Variants in CSMD1 observed in about 807,000 individuals in gnomAD.
CSMD1 encodes CUB and sushi domain-containing protein 1.
CSMD1 carries 213 observed loss-of-function variants against 417.5 expected under a neutral mutation model. The observed-to-expected ratio is 0.51, with a 90% CI of 0.46 to 0.57. The LOEUF (loss-of-function observed/expected upper bound fraction) is 0.57. Ranked by LOEUF, CSMD1 falls within the 20% of genes least tolerant of loss-of-function variation. The pLI is 0.00. For missense variants in CSMD1, 6,923 were observed against 4,529.7 expected, an observed-to-expected ratio of 1.53 and a Z score of -15.17; for synonymous variants, 2,862 against 1,736.8, an observed-to-expected ratio of 1.65 and a Z score of -16.11.
chr8:4,031,834 T>C, intron 4 of CSMD1, 71 bp downstream of exon 4: 1 of 1,213,388 alleles, frequency 8.2e-7, no homozygotes, highest in Non-Finnish European at 1.1e-6. Context: ...AGTGGAAACT[T>C]TCATAAAAGC....
chr8:4,571,521 T>A (rs1798894144), intron 2 of CSMD1, among the ~76,000 whole-genome samples: 2 of 152,212 alleles, frequency 1.3e-5, no homozygotes, highest in Admixed American at 1.3e-4. Flanking sequence ...TTGTTATGAT[T>A]TATGTTCCTT....
intron 1 of CSMD1, among the ~76,000 whole-genome samples, chr8:4,871,124 G>T (rs1376646311): frequency 6.6e-6 from 1 of 152,104 alleles, no homozygotes; most frequent in Non-Finnish European, 1.5e-5. Context: ...CTGGGAGATA[G>T]GTGCAGCCGT....
chr8:3,905,196 A>G (rs1482009944), intron 5 of CSMD1, among the ~76,000 whole-genome samples: 1 of 152,228 alleles, frequency 6.6e-6, no homozygotes, highest in Admixed American at 6.5e-5. Flanking sequence ...ATGTTCATAT[A>G]AAAGATAATA....
chr8:3,135,174 C>T (rs1818006816), intron 41 of CSMD1, among the ~76,000 whole-genome samples: 1 of 152,140 alleles, frequency 6.6e-6, no homozygotes, highest in Admixed American at 6.5e-5. Flanking sequence ...CCTTGGCTTC[C>T]CAAAGTGCTG....
At chr8:3,074,763 T>C (rs571582795) in intron 49 of CSMD1, among the ~76,000 whole-genome samples, 6 of 152,384 alleles carry the variant, frequency 3.9e-5, no homozygotes, top group African/African-American at 1.4e-4. Flanking sequence ...GGCATTTTAT[T>C]ATAATTTTTG....
chr8:4,390,810 G>T (rs1286801403), intron 3 of CSMD1, among the ~76,000 whole-genome samples: 1 of 151,992 alleles, frequency 6.6e-6, no homozygotes, highest in Non-Finnish European at 1.5e-5. Flanking sequence ...CAAAGTGCTG[G>T]GATTACAGAC....
At chr8:3,300,929 A>G (rs911741947) in intron 25 of CSMD1, among the ~76,000 whole-genome samples, 3 of 132,958 alleles carry the variant, frequency 2.3e-5, no homozygotes, top group African/African-American at 8.3e-5. Context: ...ACCGCACTCC[A>G]GCCTGGACAA....
At chr8:3,221,691 C>G (rs1424976430) in intron 28 of CSMD1, among the ~76,000 whole-genome samples, 1 of 151,942 alleles carries the variant, frequency 6.6e-6, no homozygotes, top group Non-Finnish European at 1.5e-5. Context: ...GCCAGCTGCA[C>G]GTATCTCTAA....
intron 1 of CSMD1, among the ~76,000 whole-genome samples, chr8:4,784,912 T>C (rs181016290): frequency 6.6e-6 from 1 of 152,282 alleles, no homozygotes; most frequent in East Asian, 1.9e-4. Context: ...CTGACAGCAT[T>C]GAAAGTTTAT....
rs931407361 is a variant in CSMD1 at position 4,759,588 on chromosome 8, C to G, written c.86-122030G>C. On this transcript the variant is annotated intron_variant, in intron 1 of 69. Coordinates refer to ENST00000635120, the MANE Select transcript of CSMD1 (RefSeq NM_033225.6). ...CCCGAACCATCCCCCTGTCAGGTCCCCATGTGTGTTGTTCCCCTCCCTACG... is the reference window on the plus strand; with the variant it reads ...CCCGAACCATCCCCCTGTCAGGTCCGCATGTGTGTTGTTCCCCTCCCTACG... Among the ~76,000 whole-genome samples, 17 of 152,080 alleles carry G rather than the reference C, an allele frequency of 1.1e-4. 1 individual carries two copies. Among genetic ancestry groups the G allele is most frequent in the Non-Finnish European group, 1.5e-4 (10 of 68,020 alleles).
chr8:4,320,499 T>G (rs1585225720), intron 3 of CSMD1, among the ~76,000 whole-genome samples: 1 of 152,054 alleles, frequency 6.6e-6, no homozygotes, highest in South Asian at 2.1e-4. Flanking sequence ...CTAATGCTAT[T>G]CCTCCCCTAG....
intron 1 of CSMD1, among the ~76,000 whole-genome samples, chr8:4,792,405 T>A (rs1219372820): frequency 1.3e-5 from 2 of 152,200 alleles, no homozygotes; most frequent in Non-Finnish European, 2.9e-5. Context: ...TCTTTTCATC[T>A]CTACTCAATA....
At chr8:3,296,172 A>C (rs771293139) in intron 25 of CSMD1, among the ~76,000 whole-genome samples, 13 of 152,026 alleles carry the variant, frequency 8.6e-5, no homozygotes, top group Non-Finnish European at 1.8e-4. Context: ...GGAAGCCTGA[A>C]GTATTAAATG....
intron 10 of CSMD1, among the ~76,000 whole-genome samples, chr8:3,494,910 A>C (rs1796303824): frequency 6.6e-6 from 1 of 152,212 alleles, no homozygotes; most frequent in Admixed American, 6.5e-5. Context: ...AGCATAGAGA[A>C]GACAGACTTC....
At chr8:4,750,373 G>C (rs116325351) in intron 1 of CSMD1, among the ~76,000 whole-genome samples, 9,999 of 152,220 alleles carry the variant, frequency 0.066, 390 homozygotes, top group South Asian at 0.12. Flanking sequence ...TTTTTAAAAA[G>C]TAGTTTAGGG....
chr8:4,437,116 C>T (rs890861542), intron 2 of CSMD1, among the ~76,000 whole-genome samples: 3 of 152,206 alleles, frequency 2.0e-5, no homozygotes, highest in African/African-American at 4.8e-5. Flanking sequence ...ACAGTTGCTA[C>T]CCAAAAGAAT....
At chr8:3,912,231 G>A (rs999082016) in intron 5 of CSMD1, among the ~76,000 whole-genome samples, 15 of 152,100 alleles carry the variant, frequency 9.9e-5, no homozygotes, top group African/African-American at 2.9e-4. Flanking sequence ...TACTTCTATA[G>A]GGGCATGAAC....
At position 3,869,810 on chromosome 8, in the gene CSMD1, T is replaced by G. The variant is rs144844748; in HGVS notation, c.819-115768A>C. On this transcript the variant is annotated intron_variant, in intron 5 of 69. Coordinates refer to ENST00000635120, the MANE Select transcript of CSMD1 (RefSeq NM_033225.6). ...AGGCAAGATGGGAGCTTGCCAGATT[T>G]CCGTATCAACTGCCACTTAATAATC... Among the ~76,000 whole-genome samples the G allele has an allele frequency of 5.3e-5, 8 of 152,246 alleles. No individual in the cohort carries two copies. The East Asian group carries it at 1.6e-3, about 30-fold the overall frequency.
intron 12 of CSMD1, among the ~76,000 whole-genome samples, chr8:3,424,202 G>A (rs547237691): frequency 6.6e-6 from 1 of 152,278 alleles, no homozygotes; most frequent in African/African-American, 2.4e-5. Context: ...GTTTAGTACA[G>A]GAAGCTCATT....
Sources: allele counts gnomAD v4.1 joint callset (sites outside exome capture counted in the v4.1 genomes callset), GRCh38; gene constraint gnomAD v4.1.1; transcripts MANE v1.5; gene names NCBI Gene and HGNC (gene_info 2026-07-23, HGNC 2026-07-21).